Variants in NRG1 observed in about 807,000 individuals in gnomAD.
NRG1 encodes the protein neuregulin 1, also known as pro-neuregulin-1, membrane-bound isoform.
Under a neutral mutation model 63.8 loss-of-function variants are expected in NRG1, and 18 were observed. The ratio of observed to expected loss-of-function variants is 0.28; its 90% CI spans 0.19 to 0.42. NRG1 has a LOEUF of 0.42. Among genes scored for constraint, NRG1 ranks in the 10% least tolerant of loss-of-function variants. The probability of loss-of-function intolerance (pLI) is 1.00; values close to 1 mark genes in which losing one functional copy is unlikely to be tolerated. For synonymous variants in NRG1, 302 were observed against 301.3 expected (o/e 1.00, Z -0.02); for missense variants, 762 against 814.7 (o/e 0.94, Z 0.79).
chr8:32,586,007 G>T, intron 1 of NRG1, among the ~76,000 whole-genome samples: 1 of 152,080 alleles, frequency 6.6e-6, no homozygotes, highest in Admixed American at 6.6e-5. Flanking sequence ...TCATCTGTAA[G>T]TTGGTGATAA....
chr8:32,725,153 A>G (rs1450921784), intron 5 of NRG1, among the ~76,000 whole-genome samples: 2 of 151,608 alleles, frequency 1.3e-5, no homozygotes, highest in East Asian at 1.9e-4. Context: ...GGGGAGTTGG[A>G]ATGTTGGTTT....
chr8:32,610,884 G>A (rs894391376), intron 3 of NRG1, among the ~76,000 whole-genome samples: 4 of 152,028 alleles, frequency 2.6e-5, no homozygotes, highest in African/African-American at 9.7e-5. Context: ...TCATGAATTC[G>A]TATATGACAG....
At chr8:32,421,603 A>C (rs1328318841) in intron 1 of NRG1, among the ~76,000 whole-genome samples, 1 of 152,226 alleles carries the variant, frequency 6.6e-6, no homozygotes, top group Non-Finnish European at 1.5e-5. Flanking sequence ...TTAACAAGCT[A>C]TTAGAGCCAA....
At chr8:32,735,610 G>A (rs550075631) in intron 6 of NRG1, among the ~76,000 whole-genome samples, 6 of 152,258 alleles carry the variant, frequency 3.9e-5, no homozygotes, top group African/African-American at 1.4e-4. Context: ...CAAATTAGCA[G>A]TCGATATGTC....
intron 1 of NRG1, among the ~76,000 whole-genome samples, chr8:31,903,249 C>T (rs376022303): frequency 6.7e-6 from 1 of 148,794 alleles, no homozygotes; most frequent in African/African-American, 2.5e-5. Flanking sequence ...CCCGGGTTCA[C>T]GCCATTCTCC....
chr8:31,887,963 C>T (rs1046597167), intron 1 of NRG1, among the ~76,000 whole-genome samples: 25 of 151,100 alleles, frequency 1.7e-4, no homozygotes, highest in African/African-American at 6.1e-4. Flanking sequence ...ATATATATTA[C>T]ATATATAAAT....
At chr8:32,201,118 C>T (rs1843462915) in intron 1 of NRG1, among the ~76,000 whole-genome samples, 1 of 152,218 alleles carries the variant, frequency 6.6e-6, no homozygotes, top group Non-Finnish European at 1.5e-5. Flanking sequence ...AGGCAGTCTC[C>T]ATTTTAATCA....
At chr8:32,255,939 A>G (rs147495150) in intron 1 of NRG1, among the ~76,000 whole-genome samples, 15 of 151,982 alleles carry the variant, frequency 9.9e-5, no homozygotes, top group African/African-American at 1.7e-4. Context: ...TCTCGTCTTC[A>G]TGCTTTATTT....
intron 1 of NRG1, among the ~76,000 whole-genome samples, chr8:31,932,784 A>T (rs1022651672): frequency 7.2e-5 from 11 of 152,182 alleles, no homozygotes; most frequent in African/African-American, 2.7e-4. Flanking sequence ...TTTTTCTGAA[A>T]ATCAGAGTGC....
chr8:32,057,382 T>A (rs1388898328), intron 1 of NRG1, among the ~76,000 whole-genome samples: 1 of 152,110 alleles, frequency 6.6e-6, no homozygotes, highest in Non-Finnish European at 1.5e-5. Context: ...GAGTTCTGCA[T>A]GTTTGAACTT....
intron 1 of NRG1, among the ~76,000 whole-genome samples, chr8:31,892,656 G>C (rs896520077): frequency 2.6e-5 from 4 of 151,958 alleles, no homozygotes; most frequent in Non-Finnish European, 5.9e-5. Flanking sequence ...GATAATCCCT[G>C]TTTATTGTTC....
chr8:31,699,273 C>A (rs1810390407), intron 1 of NRG1, among the ~76,000 whole-genome samples: 1 of 152,020 alleles, frequency 6.6e-6, no homozygotes, highest in South Asian at 2.1e-4. Flanking sequence ...TAAATCAGAC[C>A]TCTTTACAGA....
At chr8:31,725,291 T>C (rs189737595) in intron 1 of NRG1, among the ~76,000 whole-genome samples, 428 of 152,300 alleles carry the variant, frequency 2.8e-3, no homozygotes, top group Non-Finnish European at 3.7e-3. Context: ...CTCCAGGCTC[T>C]CTCTCTGATA....
intron 1 of NRG1, among the ~76,000 whole-genome samples, chr8:32,257,208 T>A (rs927712531): frequency 2.6e-5 from 4 of 152,176 alleles, no homozygotes; most frequent in Non-Finnish European, 4.4e-5. Context: ...CAGTGGATCT[T>A]AGCCTGCTGG....
intron 1 of NRG1, among the ~76,000 whole-genome samples, chr8:32,506,202 C>T (rs753827093): frequency 1.3e-5 from 2 of 152,002 alleles, no homozygotes; most frequent in Non-Finnish European, 2.9e-5. Context: ...TAGCTATGGT[C>T]GCAACACTGC....
intron 1 of NRG1, among the ~76,000 whole-genome samples, chr8:31,942,101 A>G (rs989460130): frequency 2.0e-5 from 3 of 152,210 alleles, no homozygotes; most frequent in Non-Finnish European, 4.4e-5. Flanking sequence ...AAGCCAAAGA[A>G]CAAATCTGAA....
chr8:32,298,106 T>G (rs1264124800), intron 1 of NRG1, among the ~76,000 whole-genome samples: 2 of 152,256 alleles, frequency 1.3e-5, no homozygotes, highest in African/African-American at 4.8e-5. Flanking sequence ...AAGAAACTAT[T>G]AAGAATAATT....
chr8:32,121,330 T>TA (rs1833416670), intron 1 of NRG1, among the ~76,000 whole-genome samples: 2 of 151,934 alleles, frequency 1.3e-5, no homozygotes, highest in Admixed American at 1.3e-4. Flanking sequence ...CACTGGGGCT[T>TA]AAGTGTTGAT....
intron 1 of NRG1, among the ~76,000 whole-genome samples, chr8:32,255,515 T>G (rs1849596828): frequency 6.6e-6 from 1 of 152,220 alleles, no homozygotes; most frequent in Non-Finnish European, 1.5e-5. Context: ...TGTTGAATAT[T>G]GGCCCCCAAT....
Sources: allele counts gnomAD v4.1 joint callset (sites outside exome capture counted in the v4.1 genomes callset), GRCh38; gene constraint gnomAD v4.1.1; transcripts MANE v1.5; gene names NCBI Gene and HGNC (gene_info 2026-07-23, HGNC 2026-07-21).